Variants in FBRSL1 observed in about 807,000 individuals in gnomAD.
The protein encoded by FBRSL1 is fibrosin-1-like protein.
FBRSL1 carries 51 observed loss-of-function variants against 89.6 expected under a neutral mutation model. The ratio of observed to expected loss-of-function variants is 0.57; its 90% CI spans 0.45 to 0.72. The LOEUF is 0.72. Among genes scored for constraint, FBRSL1 ranks in the 30% least tolerant of loss-of-function variants. The pLI is 0.00. For missense variants in FBRSL1, 1,618 were observed against 1,451.8 expected (o/e 1.11, Z -1.86); for synonymous variants, 779 against 681.1 (o/e 1.14, Z -2.24).
At chr12:132,506,407 C>T (rs2033688160) in intron 1 of FBRSL1, among the ~76,000 whole-genome samples, 1 of 152,182 alleles carries the variant, frequency 6.6e-6, no homozygotes, top group Non-Finnish European at 1.5e-5. Flanking sequence ...GGGGGAGCGT[C>T]TGTGCCCCGA....
At chr12:132,505,436 C>G (rs1447460019) in intron 1 of FBRSL1, among the ~76,000 whole-genome samples, 1 of 152,148 alleles carries the variant, frequency 6.6e-6, no homozygotes, top group African/African-American at 2.4e-5. Context: ...TGGGGACTGC[C>G]CCCCGTCTGG....
At chr12:132,494,210 G>A (rs1427729268) in intron 1 of FBRSL1, among the ~76,000 whole-genome samples, 3 of 152,198 alleles carry the variant, frequency 2.0e-5, no homozygotes, top group Non-Finnish European at 4.4e-5. Context: ...TTTGTTTCCT[G>A]TGACAACTCT....
intron 5 of FBRSL1, chr12:132,551,392 C>T (rs368074237): frequency 4.4e-6 from 2 of 456,032 alleles, no homozygotes; most frequent in South Asian, 1.5e-5. Context: ...GGTCTGTGGG[C>T]GCTGACCCAG....
In FBRSL1 at chr12:132,569,994, C is replaced by T. The variant is rs775736494; in HGVS notation, c.760C>T (p.Arg254Cys). 26 of 1,501,200 alleles carry T rather than the reference C, an allele frequency of 1.7e-5. No homozygotes were observed. Among genetic ancestry groups the T allele is most frequent in the Middle Eastern group, 1.7e-4 (1 of 5,738 alleles). 93.0% of individuals were successfully genotyped at this position (1,501,200 alleles called of 1,614,324 possible). A position where few individuals can be genotyped will look rare whatever the true frequency, so the allele number is the denominator to read the frequency against. Residue 254 changes from arginine (R) to cysteine (C), a missense_variant, in exon 7 of 19, where the codon CGC becomes TGC. Coordinates refer to ENST00000680143, the MANE Select transcript of FBRSL1 (RefSeq NM_001367871.1). ...CAAGGTGTCAGGCCTGGAGCGCAGC[C>T]GCGAGCTCAGCGCCGAGAGCTTCCT... ...VPKVSGLERS[R>C]ELSAESFLPT...
intron 3 of FBRSL1, among the ~76,000 whole-genome samples, chr12:132,527,240 G>A (rs1386971091): frequency 3.3e-5 from 5 of 152,302 alleles, no homozygotes; most frequent in East Asian, 3.9e-4. Context: ...GGGTGGGCAC[G>A]GAGGGAGGTC....
chr12:132,566,865 C>A (rs945001914), intron 5 of FBRSL1, among the ~76,000 whole-genome samples: 1 of 151,114 alleles, frequency 6.6e-6, no homozygotes, highest in African/African-American at 2.4e-5. Flanking sequence ...GCTGGGAGCT[C>A]GGCCGACCCC....
chr12:132,505,920 C>T (rs1161743536), intron 1 of FBRSL1, among the ~76,000 whole-genome samples: 1 of 152,256 alleles, frequency 6.6e-6, no homozygotes, highest in East Asian at 1.9e-4. Flanking sequence ...ACAGCCCTCC[C>T]AGAGCTTCCT....
At chr12:132,540,544 G>A (rs1351548105) in intron 4 of FBRSL1, among the ~76,000 whole-genome samples, 1 of 150,896 alleles carries the variant, frequency 6.6e-6, no homozygotes, top group Non-Finnish European at 1.5e-5. Context: ...ACTGTCTCCT[G>A]CACCCAACCC....
chr12:132,576,853 G>C lies in FBRSL1; in HGVS notation c.1756G>C (p.Gly586Arg). ...LEVGAKLDLF[G>R]RPPAPGVFAG... Reference sequence around the variant, plus strand: ...GGTGGGTGCAAAGCTGGACCTGTTCGGCAGACCCCCTGCCCCGGGCGTGTT... The same window carrying C: ...GGTGGGTGCAAAGCTGGACCTGTTCCGCAGACCCCCTGCCCCGGGCGTGTT... Residue 586 changes from glycine (G) to arginine (R), a missense_variant, in exon 15 of 19, where the codon GGC becomes CGC. By Grantham distance (125) the Gly-to-Arg change is moderately radical. Transcript: ENST00000680143. 4.5e-6 allele frequency: 7 copies of C among 1,550,962 alleles called. No individual in the cohort carries two copies. The highest frequency in any genetic ancestry group is 6.1e-6 in the Non-Finnish European group (7 of 1,146,900).
chr12:132,505,250 G>A (rs1166412402), intron 1 of FBRSL1, among the ~76,000 whole-genome samples: 5 of 152,214 alleles, frequency 3.3e-5, no homozygotes, highest in African/African-American at 1.2e-4. Context: ...CTTGGTGCAG[G>A]GCCCCCACCC....
chr12:132,545,341 C>T (rs1037360300), intron 4 of FBRSL1, among the ~76,000 whole-genome samples: 2 of 152,238 alleles, frequency 1.3e-5, no homozygotes, highest in Non-Finnish European at 2.9e-5. Context: ...CTCCTTTTCT[C>T]CTCGCCCTGA....
rs145853394 is a variant in FBRSL1 at position 132,584,815 on chromosome 12, ATT to A, written c.*1040_*1041del. The A allele has an allele frequency of 0.36, 28,276 of 78,628 alleles. 2,890 individuals carry two copies. Among genetic ancestry groups the A allele is most frequent in the East Asian group, 0.44 (588 of 1,346 alleles). 4.9% of individuals were successfully genotyped at this position (78,628 alleles called of 1,614,324 possible). ...TAGAAGTGCAAGAGTCTAAAGGCTG[ATT>A]TTACACACACACACACACACACACA... is the stretch of plus-strand genomic sequence containing the variant. On this transcript the variant is annotated 3_prime_UTR_variant, in exon 19 of 19. Transcript: ENST00000680143.
At chr12:132,569,103 C>G (rs1267604540) in intron 6 of FBRSL1, among the ~76,000 whole-genome samples, 1 of 152,138 alleles carries the variant, frequency 6.6e-6, no homozygotes, top group Non-Finnish European at 1.5e-5. Flanking sequence ...CAGCTCCTGA[C>G]CCCAGGCAAC....
At chr12:132,571,476 C>A (rs1219768406) in intron 9 of FBRSL1, 7 of 1,549,750 alleles carry the variant, frequency 4.5e-6, no homozygotes, top group Non-Finnish European at 6.1e-6. Context: ...ACACATTCGC[C>A]CCCTTCCCCG....
intron 4 of FBRSL1, among the ~76,000 whole-genome samples, chr12:132,544,682 ATGAGGATGGTGTTGGTGGTGGTGGTG>A (rs1223229338): frequency 4.6e-5 from 7 of 151,838 alleles, no homozygotes; most frequent in African/African-American, 1.7e-4. Flanking sequence ...GGTGGTGGTA[ATGAGGATGGTGTTGGTGGTGGTGGTG>A]TGAGGATGGT....
At chr12:132,525,273 G>A (rs1251767280) in intron 2 of FBRSL1, among the ~76,000 whole-genome samples, 1 of 152,228 alleles carries the variant, frequency 6.6e-6, no homozygotes, top group Non-Finnish European at 1.5e-5. Context: ...ACTGAGGCTC[G>A]ACCTGGAGGT....
chr12:132,551,898 GCTC>G, intron 5 of FBRSL1: 1 of 289,256 alleles, frequency 3.5e-6, no homozygotes. Context: ...TGGTGGCCTC[GCTC>G]CTCCTGCTGC....
intron 13 of FBRSL1, 63 bp downstream of exon 13, chr12:132,574,411 G>A (rs2040247217): frequency 1.1e-5 from 17 of 1,548,570 alleles, no homozygotes; most frequent in East Asian, 2.4e-5. Flanking sequence ...GGCGGCCTCG[G>A]GGGGCCCGTG....
chr12:132,508,005 C>T (rs1018890631), intron 1 of FBRSL1, 148 bp from the exon 2 acceptor site: 49 of 765,756 alleles, frequency 6.4e-5, no homozygotes, highest in African/African-American at 3.2e-4. Flanking sequence ...TCCCATCCCC[C>T]GTCCCACAGC....
Sources: allele counts gnomAD v4.1 joint callset (sites outside exome capture counted in the v4.1 genomes callset), GRCh38; gene constraint gnomAD v4.1.1; transcripts MANE v1.5; gene names NCBI Gene and HGNC (gene_info 2026-07-23, HGNC 2026-07-21).